Variants in PCDH15 observed in about 807,000 individuals in gnomAD.
The protein encoded by PCDH15 is protocadherin related 15.
In PCDH15, 129 loss-of-function variants were observed where a neutral mutation model predicts 178.5. The observed-to-expected ratio is 0.72, with a 90% CI of 0.63 to 0.84. The LOEUF (loss-of-function observed/expected upper bound fraction) is 0.84, where lower values mean the gene tolerates loss of function less well. Among genes scored for constraint, PCDH15 ranks in the 40% least tolerant of loss-of-function variants. PCDH15 has a pLI of 0.00. For synonymous variants in PCDH15, 800 were observed against 732.0 expected (o/e 1.09, Z -1.50); for missense variants, 2,230 against 2,099.9 (o/e 1.06, Z -1.21).
At chr10:55,312,340 A>T (rs1843605164) in intron 1 of PCDH15, among the ~76,000 whole-genome samples, 1 of 152,176 alleles carries the variant, frequency 6.6e-6, no homozygotes, top group African/African-American at 2.4e-5. Flanking sequence ...TATTTTATTT[A>T]AAAAGGGTGA....
At chr10:54,888,263 A>G (rs1458535365) in intron 3 of PCDH15, among the ~76,000 whole-genome samples, 1 of 152,042 alleles carries the variant, frequency 6.6e-6, no homozygotes, top group Non-Finnish European at 1.5e-5. Context: ...GGATTTCTAG[A>G]CTTACATATT....
chr10:54,421,691 T>TAC (rs1246126935), intron 3 of PCDH15, among the ~76,000 whole-genome samples: 47 of 94,930 alleles, frequency 5.0e-4, no homozygotes, highest in East Asian at 3.0e-3. Context: ...TATATATATA[T>TAC]ATACACACAC....
At position 53,806,922 on chromosome 10, in the gene PCDH15, G is replaced by A; in HGVS notation, c.4880C>T (p.Ser1627Phe). 1.2e-6 allele frequency: 2 copies of A among 1,613,866 alleles called. No individual in the cohort carries two copies. Among genetic ancestry groups the A allele is most frequent in the Non-Finnish European group, 1.7e-6 (2 of 1,179,832 alleles). Residue 1627 changes from serine to phenylalanine, a missense_variant, in exon 38 of 38, where the codon TCC becomes TTC. Ser to Phe is a radical substitution (Grantham distance 155). Transcript: ENST00000644397. ...ACLTDNLKVASPVRLGGPFKK... is the reference protein window; with the variant it reads ...ACLTDNLKVAFPVRLGGPFKK... The stretch of plus-strand genomic sequence containing the variant: ...AAAGGGCCCTCCCAGTCGAACAGGG[G>A]AAGCAACTTTTAAGTTGTCCGTGAG...
intron 3 of PCDH15, among the ~76,000 whole-genome samples, chr10:54,492,981 GC>G (rs1281067885): frequency 6.6e-6 from 1 of 152,104 alleles, no homozygotes; most frequent in Non-Finnish European, 1.5e-5. Context: ...ATAGATGGCA[GC>G]AGGCAAAGAG....
intron 2 of PCDH15, among the ~76,000 whole-genome samples, chr10:55,623,644 T>A (rs1298863514): frequency 6.6e-6 from 1 of 151,620 alleles, no homozygotes; most frequent in Non-Finnish European, 1.5e-5. Flanking sequence ...TATATATACA[T>A]ATTCTATAGA....
intron 19 of PCDH15, among the ~76,000 whole-genome samples, chr10:54,022,217 T>A: frequency 6.6e-6 from 1 of 152,014 alleles, no homozygotes. Context: ...CCTAATCTAC[T>A]GAATCAAAAT....
At chr10:55,387,932 T>A (rs929247838) in intron 2 of PCDH15, among the ~76,000 whole-genome samples, 1 of 152,086 alleles carries the variant, frequency 6.6e-6, no homozygotes, top group Non-Finnish European at 1.5e-5. Flanking sequence ...TCCTTTCTAA[T>A]TGCAGCTAAA....
At chr10:55,397,736 C>G (rs1837964354) in intron 2 of PCDH15, among the ~76,000 whole-genome samples, 1 of 152,066 alleles carries the variant, frequency 6.6e-6, no homozygotes, top group South Asian at 2.1e-4. Context: ...CAGGCGTGTG[C>G]CACCACGCCT....
At chr10:54,165,834 A>T (rs1352177168) in intron 13 of PCDH15, among the ~76,000 whole-genome samples, 1 of 152,202 alleles carries the variant, frequency 6.6e-6, no homozygotes, top group East Asian at 1.9e-4. Flanking sequence ...TTTGTACCAA[A>T]TGTCTGACTC....
At chr10:54,883,106 T>TC (rs1954292790) in intron 3 of PCDH15, among the ~76,000 whole-genome samples, 1 of 148,960 alleles carries the variant, frequency 6.7e-6, no homozygotes. Flanking sequence ...AAGTGGTTTT[T>TC]CTCTGGACCA....
intron 2 of PCDH15, among the ~76,000 whole-genome samples, chr10:55,414,015 T>C (rs909362814): frequency 1.3e-5 from 2 of 151,396 alleles, no homozygotes; most frequent in Non-Finnish European, 3.0e-5. Context: ...TAACAGTTTA[T>C]TAGAAAAAAT....
At chr10:54,726,451 T>G (rs1441218511) in intron 1 of PCDH15, among the ~76,000 whole-genome samples, 4 of 151,184 alleles carry the variant, frequency 2.6e-5, no homozygotes, top group East Asian at 1.9e-4. Flanking sequence ...TGTGTGTGTG[T>G]GTGTGTGTGT....
rs775845546 is a variant in PCDH15, at chr10:53,806,962, T to C, written c.4840A>G (p.Thr1614Ala). 1 of 1,613,566 alleles carries C rather than the reference T, an allele frequency of 6.2e-7. No homozygotes were observed. The highest frequency in any genetic ancestry group is 8.5e-7 in the Non-Finnish European group (1 of 1,179,744). Residue 1614 changes from threonine (T) to alanine (A), a missense_variant, in exon 38 of 38, where the codon ACC (threonine) becomes GCC (alanine). Physicochemically the swap from Thr to Ala is moderately conservative, Grantham distance 58. Transcript: ENST00000644397. ...TTGTCCGTGAGGCAGGCACGGCGGG[T>C]TCTCACCACAGAACCATTCTGTGCA... is the stretch of plus-strand genomic sequence containing the variant. ...YIAQNGSVVR[T>A]RRACLTDNLK...
Position 55,308,444 on chromosome 10 carries a change from A to C in PCDH15, c.-156+11155T>G, listed in dbSNP as rs150084800. 1.7e-3 allele frequency among the ~76,000 whole-genome samples: 257 copies of C among 152,328 alleles called. 1 individual carries two copies. The highest frequency in any genetic ancestry group is 5.9e-3 in the African/African-American group (246 of 41,580). The stretch of plus-strand genomic sequence containing the variant: ...GAATAATGCATCAGCTGGACAGGAA[A>C]GATGGTCCACGAAGAGCATGGTGTC... On this transcript the variant is annotated intron_variant, in intron 1 of 5. Transcript: ENST00000458638.
rs201141699 is a variant in PCDH15 at position 54,217,912 on chromosome 10, C to CT, written c.986-3865dup. Among the ~76,000 whole-genome samples, 570 of 151,692 alleles carry CT rather than the reference C, an allele frequency of 3.8e-3. 5 individuals carry two copies. Among genetic ancestry groups the CT allele is most frequent in the Non-Finnish European group, 5.8e-3 (397 of 67,888 alleles). ...TGAAAAGTTTTCAAGAGCCAAAAGG[C>CT]TTTTTTTTGTTTTTTTGTTTTTTAA... On this transcript the variant is annotated intron_variant, in intron 9 of 37. Coordinates refer to ENST00000644397, the MANE Select transcript of PCDH15 (RefSeq NM_001384140.1).
chr10:54,667,877 G>A (rs1251225788), intron 1 of PCDH15, among the ~76,000 whole-genome samples: 4 of 151,970 alleles, frequency 2.6e-5, no homozygotes, highest in Non-Finnish European at 4.4e-5. Flanking sequence ...TTTTGCAATC[G>A]TGACTTAGAA....
chr10:54,086,097 T>A (rs566508834), intron 16 of PCDH15, among the ~76,000 whole-genome samples: 20 of 152,254 alleles, frequency 1.3e-4, no homozygotes, highest in African/African-American at 4.8e-4. Context: ...GGGTAATTTA[T>A]AAAGAAAATA....
intron 3 of PCDH15, among the ~76,000 whole-genome samples, chr10:54,428,822 TA>T (rs1281557354): frequency 6.6e-6 from 1 of 151,936 alleles, no homozygotes; most frequent in Non-Finnish European, 1.5e-5. Flanking sequence ...AAATAAAAAA[TA>T]AAAAACTTTT....
At chr10:54,368,975 CTGAG>C (rs1200557354) in intron 5 of PCDH15, 141 bp downstream of exon 5, 2 of 850,638 alleles carry the variant, frequency 2.4e-6, no homozygotes, top group Non-Finnish European at 3.7e-6. Context: ...CATACTTCTT[CTGAG>C]TACTATTTTT....
Sources: allele counts gnomAD v4.1 joint callset (sites outside exome capture counted in the v4.1 genomes callset), GRCh38; gene constraint gnomAD v4.1.1; transcripts MANE v1.5; gene names NCBI Gene and HGNC (gene_info 2026-07-23, HGNC 2026-07-21).